The following NFIC variants were observed in gnomAD, a reference collection of about 807,000 sequenced individuals.
NFIC encodes the protein nuclear factor 1 C-type.
A neutral mutation model predicts 54.4 loss-of-function variants in NFIC; 12 were observed. That is an observed-to-expected ratio of 0.22 (90% confidence interval 0.14 to 0.36). NFIC has a LOEUF of 0.36. NFIC is among the 10% of genes least tolerant of loss of function. NFIC has a pLI of 1.00. For missense variants in NFIC, 575 were observed against 718.2 expected, an observed-to-expected ratio of 0.80 and a Z score of 2.28; for synonymous variants, 322 against 319.2, an observed-to-expected ratio of 1.01 and a Z score of -0.09.
chr19:3,437,440 C>A (rs962743433), intron 6 of NFIC, among the ~76,000 whole-genome samples: 1 of 151,524 alleles, frequency 6.6e-6, no homozygotes, highest in African/African-American at 2.4e-5. Flanking sequence ...GGTGCCAAGG[C>A]CCCTCCCTTC....
rs918610531 is a variant in NFIC, at chr19:3,369,317, G to A, written c.30+2651G>A. Among the ~76,000 whole-genome samples, 6 of 150,454 alleles carry A rather than the reference G, an allele frequency of 4.0e-5. No homozygotes were observed. Among genetic ancestry groups the A allele is most frequent in the Non-Finnish European group, 7.4e-5 (5 of 67,312 alleles). On this transcript the variant is annotated intron_variant, in intron 1 of 10. Coordinates refer to ENST00000443272, the MANE Select transcript of NFIC (RefSeq NM_001245002.2). The surrounding 1 kb of genome is among the most constrained non-coding windows in gnomAD (Gnocchi z 4.3). ...CCTTCCCTTTCTCCTCTGTCTCTGC[G>A]TGTCTCCCCTTGCCCCCTCTCTCCC...
rs1472453771 is a variant in NFIC at position 3,405,206 on chromosome 19, C to A, written c.563-19900C>A. 2.6e-5 allele frequency among the ~76,000 whole-genome samples: 4 copies of A among 152,346 alleles called. No homozygotes were observed. In the East Asian group the frequency reaches 7.7e-4, roughly 29 times the overall value. On this transcript the variant is annotated intron_variant, in intron 2 of 10. Transcript: ENST00000443272. ...CCAGACTTAAGGAACGCAGGAAGGA[C>A]GAGGCCGGGGAGGCCCGGGATGGAG...
rs751573751 is a variant in NFIC, at chr19:3,458,278, G to A, written c.1509+1643G>A. ...CCCCCGCCTGGTGCTGATGGAGCCC[G>A]GCATTACCTCTGCCACCCCCACCCC... is the stretch of plus-strand genomic sequence containing the variant. On this transcript the variant is annotated intron_variant, in intron 10 of 10. Transcript: ENST00000443272. The surrounding 1 kb of genome is among the most constrained non-coding windows in gnomAD (Gnocchi z 4.1). Among the ~76,000 whole-genome samples the A allele has an allele frequency of 2.6e-4, 39 of 152,262 alleles. No homozygotes were observed. The highest frequency in any genetic ancestry group is 3.4e-3 in the Middle Eastern group (1 of 294).
At chr19:3,411,675 G>A (rs780873485) in intron 2 of NFIC, among the ~76,000 whole-genome samples, 1 of 152,206 alleles carries the variant, frequency 6.6e-6, no homozygotes, top group South Asian at 2.1e-4. Context: ...AAACTCCTCA[G>A]TGATGCTGAA....
chr19:3,435,313 G>T, intron 6 of NFIC, 106 bp downstream of exon 6: 1 of 1,405,138 alleles, frequency 7.1e-7, no homozygotes, highest in South Asian at 1.5e-5. Context: ...CAGGAAGCCG[G>T]CCTGGAGCCG....
At chr19:3,388,864 G>T (rs142888346) in intron 2 of NFIC, among the ~76,000 whole-genome samples, 14 of 151,968 alleles carry the variant, frequency 9.2e-5, no homozygotes, top group African/African-American at 3.4e-4. Context: ...TTGAGGCCAG[G>T]TGTGGTGGCT....
chr19:3,433,489 C>T, intron 3 of NFIC, 29 bp from the exon 4 acceptor site: 1 of 1,612,100 alleles, frequency 6.2e-7, no homozygotes, highest in South Asian at 1.1e-5. Context: ...CCAGCTCAGC[C>T]TACTGACCCC....
Position 3,369,803 on chromosome 19 carries a change from A to G in NFIC, c.30+3137A>G, listed in dbSNP as rs2080967017. Among the ~76,000 whole-genome samples, 1 of 152,032 alleles carries G rather than the reference A, an allele frequency of 6.6e-6. No individual in the cohort carries two copies. Among genetic ancestry groups the G allele is most frequent in the Non-Finnish European group, 1.5e-5 (1 of 67,980 alleles). ...CGTTAGTTATTCCGGGTTTGGGGCC[A>G]AGTCCCTCTTGGCCGCAGCGTGGCG... On this transcript the variant is annotated intron_variant, in intron 1 of 10. Transcript: ENST00000443272. The surrounding 1 kb of genome is among the most constrained non-coding windows in gnomAD (Gnocchi z 4.3).
intron 1 of NFIC, among the ~76,000 whole-genome samples, chr19:3,360,326 G>T (rs987287652): frequency 2.7e-5 from 4 of 148,586 alleles, no homozygotes; most frequent in Non-Finnish European, 6.0e-5. Flanking sequence ...CCCCCGCCCC[G>T]CCCCTCGGCA....
intron 2 of NFIC, among the ~76,000 whole-genome samples, chr19:3,387,224 G>A (rs1384160733): frequency 6.6e-6 from 1 of 152,236 alleles, no homozygotes; most frequent in African/African-American, 2.4e-5. Flanking sequence ...AGAGGAGGCC[G>A]GGCACAGTGG....
chr19:3,394,036 G>A (rs565328582), intron 2 of NFIC, among the ~76,000 whole-genome samples: 1 of 151,484 alleles, frequency 6.6e-6, no homozygotes, highest in Non-Finnish European at 1.5e-5. Context: ...TCCACCTCCT[G>A]GGTTCAAGCA....
chr19:3,453,583 A>G lies in NFIC; in HGVS notation c.1270-180A>G, dbSNP rs1246706290. Among the ~76,000 whole-genome samples the G allele has an allele frequency of 1.3e-5, 2 of 152,068 alleles. No homozygotes were observed. Among genetic ancestry groups the G allele is most frequent in the African/African-American group, 4.8e-5 (2 of 41,414 alleles). On this transcript the variant is annotated intron_variant, in intron 8 of 10. Coordinates refer to ENST00000443272, the MANE Select transcript of NFIC (RefSeq NM_001245002.2). This position sits in a 1 kb window ranked among gnomAD's most constrained non-coding sequence, Gnocchi z 6.7. ...GTGACACCAGCAAGCGGGTGTCCCC[A>G]GGCCCCTCCACCTCCGGCCGTCCTC...
chr19:3,467,758 C>CATATATATATATATATATATATAT lies in NFIC; in HGVS notation c.*4997_*5020dup, dbSNP rs551667735. The CATATATATATATATATATATATAT allele has an allele frequency of 2.4e-3, 170 of 69,570 alleles. 13 individuals carry two copies. The highest frequency in any genetic ancestry group is 6.9e-3 in the East Asian group (9 of 1,298). 4.3% of individuals were successfully genotyped at this position (69,570 alleles called of 1,614,324 possible). A position where few individuals can be genotyped will look rare whatever the true frequency, so the allele number is the denominator to read the frequency against. On this transcript the variant is annotated 3_prime_UTR_variant, in exon 11 of 11. Coordinates refer to ENST00000443272, the MANE Select transcript of NFIC (RefSeq NM_001245002.2). ...ACCTCCAGTGTAGGGCTATACTATACATATATATATATATATATATATATA... is the reference window on the plus strand; with the variant it reads ...ACCTCCAGTGTAGGGCTATACTATACATATATATATATATATATATATATATATATATATATATATATATATATA...
At chr19:3,409,056 G>A (rs1568428706) in intron 2 of NFIC, among the ~76,000 whole-genome samples, 1 of 152,060 alleles carries the variant, frequency 6.6e-6, no homozygotes. Context: ...AGTCTAAAAT[G>A]GATTGTATCA....
At chr19:3,396,345 G>A (rs966997317) in intron 2 of NFIC, among the ~76,000 whole-genome samples, 3 of 152,034 alleles carry the variant, frequency 2.0e-5, no homozygotes, top group Non-Finnish European at 2.9e-5. Context: ...GGTGGTGGGC[G>A]CCTGTAGTCC....
At chr19:3,433,470 G>A in intron 3 of NFIC, 48 bp from the exon 4 acceptor site, 2 of 1,603,070 alleles carry the variant, frequency 1.2e-6, no homozygotes, top group Non-Finnish European at 1.7e-6. Flanking sequence ...GTGGGGAAGG[G>A]AAACAGGCCC....
At chr19:3,431,216 G>A (rs373882825) in intron 3 of NFIC, among the ~76,000 whole-genome samples, 2 of 151,690 alleles carry the variant, frequency 1.3e-5, no homozygotes, top group African/African-American at 2.4e-5. Flanking sequence ...TAGAGATGGG[G>A]TTTCACCATG....
rs748841882 is a variant in NFIC at position 3,459,405 on chromosome 19, G to A, written c.1509+2770G>A. Among the ~76,000 whole-genome samples, 6 of 151,972 alleles carry A rather than the reference G, an allele frequency of 3.9e-5. No homozygotes were observed. Among genetic ancestry groups the A allele is most frequent in the Admixed American group, 6.6e-5 (1 of 15,260 alleles). Reference sequence around the variant, plus strand: ...CCCTCCCCTCTGTGATGTCCTTCACGCCCCTACATTTCTCCTGCACGGGAA... The same window carrying A: ...CCCTCCCCTCTGTGATGTCCTTCACACCCCTACATTTCTCCTGCACGGGAA... On this transcript the variant is annotated intron_variant, in intron 10 of 10. Transcript: ENST00000443272. The surrounding 1 kb of genome is among the most constrained non-coding windows in gnomAD (Gnocchi z 4.2).
At chr19:3,397,066 G>A (rs1333336371) in intron 2 of NFIC, among the ~76,000 whole-genome samples, 3 of 152,108 alleles carry the variant, frequency 2.0e-5, no homozygotes, top group Non-Finnish European at 4.4e-5. Flanking sequence ...GGGGATTGCA[G>A]GCGTATTGAG....
Sources: allele counts gnomAD v4.1 joint callset (sites outside exome capture counted in the v4.1 genomes callset), GRCh38; gene constraint gnomAD v4.1.1; non-coding constraint Gnocchi (gnomAD v3.1); transcripts MANE v1.5; gene names NCBI Gene and HGNC (gene_info 2026-07-23, HGNC 2026-07-21).